SNX16: variants seen among roughly 807,000 people sequenced by gnomAD.
The protein encoded by SNX16 is sorting nexin 16.
A neutral mutation model predicts 36.7 loss-of-function variants in SNX16; 35 were observed. The ratio of observed to expected loss-of-function variants is 0.95; its 90% CI spans 0.73 to 1.27. SNX16 has a LOEUF of 1.27. Ranked by LOEUF, SNX16 falls within the 50% of genes most tolerant of loss-of-function variation. The pLI is 0.00. For synonymous variants in SNX16, 134 were observed against 132.0 expected (o/e 1.02, Z -0.10); for missense variants, 367 against 393.6 (o/e 0.93, Z 0.57).
At chr8:81,808,645 G>C (rs764724669) in intron 5 of SNX16, 111 of 942,280 alleles carry the variant, frequency 1.2e-4, no homozygotes, top group Non-Finnish European at 1.8e-4. Context: ...CATGGTGGTG[G>C]AGGCCAATAC....
chr8:81,841,979 G>A lies in SNX16; in HGVS notation c.-97+143C>T, dbSNP rs563984192. ...CGCACAGTGGGGTCGGCGGTGGCCT[G>A]AAGGTGGCTGGGCTTCCTGCGGCGC... On this transcript the variant is annotated intron_variant, in intron 1 of 7. Coordinates refer to ENST00000345957, the MANE Select transcript of SNX16 (RefSeq NM_152836.3). 5 of 152,208 alleles carry A rather than the reference G, an allele frequency of 3.3e-5. No individual in the cohort carries two copies. In the South Asian group the frequency reaches 1.0e-3, roughly 32 times the overall value. 9.4% of individuals were successfully genotyped at this position (152,208 alleles called of 1,614,324 possible).
At chr8:81,802,584 G>A in intron 6 of SNX16, 85 bp from the exon 7 acceptor site, 1 of 1,149,248 alleles carries the variant, frequency 8.7e-7, no homozygotes, top group Non-Finnish European at 1.2e-6. Context: ...AGCTATAGCA[G>A]TCTTTAGCTG....
intron 5 of SNX16, among the ~76,000 whole-genome samples, chr8:81,808,884 A>G (rs1320869608): frequency 4.6e-5 from 7 of 152,198 alleles, no homozygotes; most frequent in Admixed American, 1.3e-4. Context: ...TCATGTGCAT[A>G]GGCAAAAAAC....
chr8:81,808,245 C>A (rs1810059038), intron 5 of SNX16: 2 of 1,212,464 alleles, frequency 1.6e-6, no homozygotes, highest in East Asian at 4.7e-5. Context: ...ACCATGACTC[C>A]ATGGATAAGA....
intron 5 of SNX16, chr8:81,808,082 T>C: frequency 8.7e-7 from 1 of 1,155,602 alleles, no homozygotes; most frequent in Non-Finnish European, 1.3e-6. Context: ...TACTTAACTG[T>C]GAAAAAGATA....
chr8:81,802,414 C>A lies in SNX16; in HGVS notation c.904G>T (p.Glu302Ter). ...TCATCCAGGACATCTTGATCAACCT[C>A]AAGTGCAGAGGACTCCACCTTTAGG... Reference protein sequence around the residue: ...QILKVESSALEVDQDVLDEES... With the variant: ...QILKVESSAL Residue 302 changes from glutamate to a stop codon, truncating the protein, a stop_gained, in exon 7 of 8, where the codon GAG becomes TAG. Transcript: ENST00000345957. LOFTEE classifies it low-confidence loss of function (END_TRUNC). The A allele has an allele frequency of 6.2e-7, 1 of 1,609,370 alleles. No homozygotes were observed. The highest frequency in any genetic ancestry group is 2.2e-5 in the East Asian group (1 of 44,588).
chr8:81,822,378 T>C (rs770566789), intron 4 of SNX16, among the ~76,000 whole-genome samples: 1 of 151,910 alleles, frequency 6.6e-6, no homozygotes, highest in Non-Finnish European at 1.5e-5. Context: ...ATGGCAAATG[T>C]ACAGAGAAGG....
At chr8:81,809,542 C>G (rs1475709683) in intron 5 of SNX16, among the ~76,000 whole-genome samples, 2 of 151,686 alleles carry the variant, frequency 1.3e-5, no homozygotes, top group Non-Finnish European at 2.9e-5. Context: ...AGAACAAGAG[C>G]CATAGAAAAT....
chr8:81,839,460 C>T, intron 2 of SNX16, 152 bp downstream of exon 2: 2 of 813,758 alleles, frequency 2.5e-6, no homozygotes, highest in Non-Finnish European at 3.7e-6. Context: ...AAGTTTACTA[C>T]AACATGATAG....
chr8:81,816,582 T>C (rs1207739827), intron 4 of SNX16, among the ~76,000 whole-genome samples: 1 of 152,154 alleles, frequency 6.6e-6, no homozygotes, highest in Non-Finnish European at 1.5e-5. Context: ...GCCAGACAGG[T>C]TGATGATGTC....
At chr8:81,806,814 AATAG>A (rs1366877049) in intron 5 of SNX16, among the ~76,000 whole-genome samples, 2 of 152,176 alleles carry the variant, frequency 1.3e-5, no homozygotes, top group Non-Finnish European at 2.9e-5. Flanking sequence ...TGACATACAA[AATAG>A]ATATATAAAA....
rs543549013 is a variant in SNX16 at position 81,809,563 on chromosome 8, A to G, written c.681+5762T>C. On this transcript the variant is annotated intron_variant, in intron 5 of 7. Transcript: ENST00000345957. ...AGAGCCATAGAAAATGTGACAAAGA[A>G]TGTGCAGCTACTATGGAAGATGCCA... Among the ~76,000 whole-genome samples, 7 of 152,224 alleles carry G rather than the reference A, an allele frequency of 4.6e-5. No individual in the cohort carries two copies. The South Asian group carries it at 1.4e-3, about 32-fold the overall frequency.
rs144122877 is a variant in SNX16 at position 81,802,476 on chromosome 8, T to C, written c.842A>G (p.Glu281Gly). The C allele has an allele frequency of 3.3e-5, 53 of 1,608,686 alleles. 1 individual carries two copies. The African/African-American group carries it at 5.8e-4, about 17-fold the overall frequency. The stretch of plus-strand genomic sequence containing the variant: ...TTCTGTTTCTGACACATCCAGTGAT[T>C]CTTCAGGTTCTAAAGACAATGTTCT... ...RIRTLSLEPEESLDVSETEGE... is the reference protein window; with the variant it reads ...RIRTLSLEPEGSLDVSETEGE... The change falls in exon 7 of 8, where the codon GAA becomes GGA. Residue 281 changes from glutamate (E) to glycine (G), a missense_variant. Coordinates refer to ENST00000345957, the MANE Select transcript of SNX16 (RefSeq NM_152836.3).
At chr8:81,826,061 G>T (rs1450705433) in intron 3 of SNX16, among the ~76,000 whole-genome samples, 1 of 151,622 alleles carries the variant, frequency 6.6e-6, no homozygotes, top group African/African-American at 2.4e-5. Flanking sequence ...CAGAAAAGAA[G>T]GAGTTGTCCC....
Position 81,801,563 on chromosome 8 carries a change from A to G in SNX16, c.969T>C (p.Ser323=), listed in dbSNP as rs771969069. 1.3e-6 allele frequency: 2 copies of G among 1,590,812 alleles called. No homozygotes were observed. The highest frequency in any genetic ancestry group is 1.1e-5 in the South Asian group (1 of 89,494). The part of the protein sequence containing the change: ...RADNKPCLSF[S]EPENAVSEIE... ...TCTCTGATACAGCATTTTCAGGTTC[A>G]CTAAAACTTAAGCATGGTTTATTAT... Residue 323 remains serine, a synonymous_variant, in exon 8 of 8, where the codon AGT becomes AGC. Coordinates refer to ENST00000345957, the MANE Select transcript of SNX16 (RefSeq NM_152836.3).
chr8:81,806,395 T>C (rs1809947143), intron 5 of SNX16, among the ~76,000 whole-genome samples: 1 of 152,020 alleles, frequency 6.6e-6, no homozygotes, highest in Admixed American at 6.6e-5. Context: ...ACCACACCAA[T>C]AGATTAAAAA....
intron 5 of SNX16, among the ~76,000 whole-genome samples, chr8:81,809,462 G>A (rs1412417761): frequency 1.3e-5 from 2 of 151,744 alleles, no homozygotes; most frequent in Admixed American, 1.3e-4. Flanking sequence ...ACCTGAGTGT[G>A]AAAAGCAAAA....
At chr8:81,826,789 T>C (rs143371741) in intron 3 of SNX16, among the ~76,000 whole-genome samples, 16 of 152,346 alleles carry the variant, frequency 1.1e-4, no homozygotes, top group East Asian at 7.7e-4. Context: ...ATTTTTGTAT[T>C]GCCAATTAGC....
At chr8:81,839,476 AGT>A in intron 2 of SNX16, 134 bp downstream of exon 2, 3 of 909,596 alleles carry the variant, frequency 3.3e-6, no homozygotes, top group Non-Finnish European at 4.9e-6. Flanking sequence ...GATAGAATTC[AGT>A]GGTGTAAAAA....
Sources: allele counts gnomAD v4.1 joint callset (sites outside exome capture counted in the v4.1 genomes callset), GRCh38; gene constraint gnomAD v4.1.1; transcripts MANE v1.5; gene names NCBI Gene and HGNC (gene_info 2026-07-23, HGNC 2026-07-21).